Variants in MACROD2 observed in about 807,000 individuals in gnomAD.
MACROD2 encodes mono-ADP ribosylhydrolase 2.
A neutral mutation model predicts 70.4 loss-of-function variants in MACROD2; 36 were observed. The observed-to-expected ratio is 0.51, with a 90% confidence interval of 0.39 to 0.68. The LOEUF is 0.68. MACROD2 is among the 30% of genes least tolerant of loss of function. The pLI is 0.00. For synonymous variants in MACROD2, 172 were observed against 178.8 expected, an observed-to-expected ratio of 0.96 and a Z score of 0.30; for missense variants, 496 against 538.4, an observed-to-expected ratio of 0.92 and a Z score of 0.78.
At chr20:14,649,890 T>C (rs919098793) in intron 4 of MACROD2, among the ~76,000 whole-genome samples, 4 of 152,104 alleles carry the variant, frequency 2.6e-5, no homozygotes, top group African/African-American at 9.7e-5. Context: ...AGCCTACAGG[T>C]TGAATATTCT....
At chr20:15,026,115 G>C (rs961463892) in intron 5 of MACROD2, among the ~76,000 whole-genome samples, 17 of 152,222 alleles carry the variant, frequency 1.1e-4, no homozygotes, top group African/African-American at 3.9e-4. Flanking sequence ...CAGTCTTCAG[G>C]GGGGAACATT....
chr20:14,285,583 G>A (rs1425270043), intron 3 of MACROD2, among the ~76,000 whole-genome samples: 1 of 151,566 alleles, frequency 6.6e-6, no homozygotes, highest in Non-Finnish European at 1.5e-5. Context: ...CCTCTTAAAT[G>A]GAGAGTAAAA....
At chr20:15,174,825 G>T (rs1049892119) in intron 5 of MACROD2, among the ~76,000 whole-genome samples, 1 of 152,088 alleles carries the variant, frequency 6.6e-6, no homozygotes, top group African/African-American at 2.4e-5. Context: ...GTCTGTTCAT[G>T]TGCTTTGCCC....
At chr20:15,159,219 T>TG (rs1467351601) in intron 5 of MACROD2, among the ~76,000 whole-genome samples, 1 of 152,100 alleles carries the variant, frequency 6.6e-6, no homozygotes, top group Non-Finnish European at 1.5e-5. Context: ...GTAAAGCCAC[T>TG]GGGGGAAAAA....
chr20:14,653,211 C>G (rs1405646877), intron 4 of MACROD2, among the ~76,000 whole-genome samples: 1 of 147,100 alleles, frequency 6.8e-6, no homozygotes, highest in African/African-American at 2.5e-5. Flanking sequence ...CCAACATGTA[C>G]AGCAATTTTT....
intron 3 of MACROD2, among the ~76,000 whole-genome samples, chr20:14,163,865 T>C (rs1404909164): frequency 6.6e-6 from 1 of 151,996 alleles, no homozygotes; most frequent in South Asian, 2.1e-4. Flanking sequence ...CTGGCTTATT[T>C]GTATTGTTTT....
chr20:14,752,872 A>G (rs1344575447), intron 5 of MACROD2, among the ~76,000 whole-genome samples: 1 of 152,156 alleles, frequency 6.6e-6, no homozygotes, highest in Non-Finnish European at 1.5e-5. Flanking sequence ...AGCAAAAGCC[A>G]TTGTAAGAGT....
Position 15,423,132 on chromosome 20 carries a change from A to G in MACROD2, c.541-8273A>G, listed in dbSNP as rs1188845047. ...TCATTGCCATTACTACAGTAATGCT[A>G]TATAACCAGCACTCAAAAACTCAGT... On this transcript the variant is annotated intron_variant, in intron 6 of 17. Coordinates refer to ENST00000684519, the MANE Select transcript of MACROD2 (RefSeq NM_001351661.2). Among the ~76,000 whole-genome samples the G allele has an allele frequency of 2.0e-5, 3 of 152,232 alleles. No individual in the cohort carries two copies. The South Asian group carries it at 6.2e-4, about 32-fold the overall frequency.
chr20:15,093,220 G>A (rs1017159966), intron 5 of MACROD2, among the ~76,000 whole-genome samples: 40 of 152,142 alleles, frequency 2.6e-4, no homozygotes, highest in African/African-American at 9.4e-4. Context: ...TTAGAAAATC[G>A]TGGTTTGTAT....
intron 4 of MACROD2, among the ~76,000 whole-genome samples, chr20:14,534,281 A>G (rs1326851532): frequency 6.6e-6 from 1 of 152,170 alleles, no homozygotes; most frequent in Non-Finnish European, 1.5e-5. Context: ...GACCAGATGG[A>G]GAACTGGGTC....
At chr20:14,103,139 A>G (rs1295480952) in intron 3 of MACROD2, among the ~76,000 whole-genome samples, 1 of 152,124 alleles carries the variant, frequency 6.6e-6, no homozygotes, top group Admixed American at 6.5e-5. Context: ...CTAAACATTA[A>G]ATCCTTCAAG....
chr20:14,764,473 G>T (rs772435493), intron 5 of MACROD2, among the ~76,000 whole-genome samples: 3 of 151,742 alleles, frequency 2.0e-5, no homozygotes, highest in Admixed American at 6.6e-5. Context: ...TCTTTTTTTG[G>T]TGCTCTAGTA....
At chr20:14,584,477 C>T (rs1019842594) in intron 4 of MACROD2, among the ~76,000 whole-genome samples, 1 of 152,026 alleles carries the variant, frequency 6.6e-6, no homozygotes. Flanking sequence ...GAGGGCCCTC[C>T]CCCTAGTTTG....
intron 5 of MACROD2, among the ~76,000 whole-genome samples, chr20:15,107,385 GTT>G (rs2075919376): frequency 6.6e-6 from 1 of 151,792 alleles, no homozygotes; most frequent in African/African-American, 2.4e-5. Context: ...ACTACCATTT[GTT>G]GTCAAGCTCT....
chr20:14,416,112 C>T (rs1371574258), intron 3 of MACROD2, among the ~76,000 whole-genome samples: 1 of 152,052 alleles, frequency 6.6e-6, no homozygotes, highest in Admixed American at 6.6e-5. Context: ...GCACACACCA[C>T]CACGCCCAGC....
chr20:14,212,169 AATT>A (rs1346340681), intron 3 of MACROD2, among the ~76,000 whole-genome samples: 4 of 152,134 alleles, frequency 2.6e-5, no homozygotes, highest in Non-Finnish European at 5.9e-5. Flanking sequence ...GTATTTTATA[AATT>A]ATTACTGTTC....
At chr20:16,008,977 A>T (rs1477706349) in intron 15 of MACROD2, among the ~76,000 whole-genome samples, 3 of 152,168 alleles carry the variant, frequency 2.0e-5, no homozygotes, top group Non-Finnish European at 4.4e-5. Flanking sequence ...GTTGCTGCCA[A>T]CATCTTTGAT....
At chr20:15,773,515 G>C (rs4813193) in intron 8 of MACROD2, among the ~76,000 whole-genome samples, 32,736 of 151,962 alleles carry the variant, frequency 0.22, 3,716 homozygotes, top group East Asian at 0.36. Context: ...CATCTAAAAT[G>C]ATATTACTAA....
rs140717590 is a variant in MACROD2 at position 15,054,186 on chromosome 20, C to T, written c.419-175754C>T. Among the ~76,000 whole-genome samples the T allele has an allele frequency of 3.1e-3, 468 of 152,176 alleles. 3 individuals are homozygous for T. Among genetic ancestry groups the T allele is most frequent in the African/African-American group, 9.0e-3 (372 of 41,512 alleles). ...TAACAACAAAGGATTTAGAATATTCCGTAAATTTAATTGATAAAAGTAGTG... is the reference window on the plus strand; with the variant it reads ...TAACAACAAAGGATTTAGAATATTCTGTAAATTTAATTGATAAAAGTAGTG... On this transcript the variant is annotated intron_variant, in intron 5 of 17. Transcript: ENST00000684519.
Sources: allele counts gnomAD v4.1 joint callset (sites outside exome capture counted in the v4.1 genomes callset), GRCh38; gene constraint gnomAD v4.1.1; transcripts MANE v1.5; gene names NCBI Gene and HGNC (gene_info 2026-07-23, HGNC 2026-07-21).